Variants in PPP1R9A observed in about 807,000 individuals in gnomAD.
PPP1R9A encodes neurabin-1.
PPP1R9A carries 59 observed loss-of-function variants against 141.9 expected under a neutral mutation model. That is an observed-to-expected ratio of 0.42 (90% confidence interval 0.34 to 0.52). The LOEUF (loss-of-function observed/expected upper bound fraction) is 0.52, where lower values mean the gene tolerates loss of function less well. Among genes scored for constraint, PPP1R9A ranks in the 20% least tolerant of loss-of-function variants. The probability of loss-of-function intolerance (pLI) is 0.10; values close to 1 mark genes in which losing one functional copy is unlikely to be tolerated. For missense variants in PPP1R9A, 1,444 were observed against 1,611.9 expected (o/e 0.90, Z 1.78); for synonymous variants, 500 against 569.7 (o/e 0.88, Z 1.74).
intron 12 of PPP1R9A, among the ~76,000 whole-genome samples, chr7:95,258,208 TCTAA>T (rs1799897880): frequency 6.6e-6 from 1 of 152,156 alleles, no homozygotes; most frequent in Non-Finnish European, 1.5e-5. Context: ...TGATCACCAT[TCTAA>T]CTGGTGTGAG....
chr7:95,285,797 C>A (rs781148962), intron 17 of PPP1R9A, among the ~76,000 whole-genome samples: 1 of 152,170 alleles, frequency 6.6e-6, no homozygotes, highest in Non-Finnish European at 1.5e-5. Context: ...CTCTAGCTAC[C>A]TTTCTAATAT....
intron 2 of PPP1R9A, among the ~76,000 whole-genome samples, chr7:94,927,004 G>T (rs1275649729): frequency 6.6e-6 from 1 of 152,108 alleles, no homozygotes; most frequent in African/African-American, 2.4e-5. Context: ...TCTGACAGTT[G>T]TTATTAAGCT....
intron 5 of PPP1R9A, among the ~76,000 whole-genome samples, chr7:95,189,290 TGGTG>T (rs1199469606): frequency 1.3e-5 from 2 of 152,112 alleles, no homozygotes; most frequent in Non-Finnish European, 2.9e-5. Context: ...ATCTTTTTGC[TGGTG>T]GTCATCTTTT....
At chr7:95,237,912 C>A (rs1796935212) in intron 8 of PPP1R9A, among the ~76,000 whole-genome samples, 1 of 151,922 alleles carries the variant, frequency 6.6e-6, no homozygotes, top group Admixed American at 6.6e-5. Context: ...AATGTCCATT[C>A]TTTTTTCTTA....
chr7:95,046,080 C>CT lies in PPP1R9A; in HGVS notation c.1396-65163dup, dbSNP rs35583144. Among the ~76,000 whole-genome samples the CT allele has an allele frequency of 4.6e-3, 572 of 124,870 alleles. 9 individuals are homozygous for CT. Among genetic ancestry groups the CT allele is most frequent in the South Asian group, 0.02 (77 of 3,820 alleles). The allele number at this position is 124,870 out of a possible 152,430, so 81.9% of individuals were successfully genotyped here. The stretch of plus-strand genomic sequence containing the variant: ...ATTAAGATTAGGTAGTATTTCTTTT[C>CT]TTTTTTTTTTTTTTTTGAGACAGAG... On this transcript the variant is annotated intron_variant, in intron 2 of 19. Coordinates refer to ENST00000433360, the MANE Select transcript of PPP1R9A (RefSeq NM_001166160.2).
chr7:95,158,375 C>A (rs1439909949), intron 4 of PPP1R9A, among the ~76,000 whole-genome samples: 1 of 152,070 alleles, frequency 6.6e-6, no homozygotes. Context: ...AAAACATAGG[C>A]CCAAGGCAGT....
chr7:94,912,695 A>C (rs1791601798), intron 2 of PPP1R9A, among the ~76,000 whole-genome samples: 1 of 152,234 alleles, frequency 6.6e-6, no homozygotes, highest in South Asian at 2.1e-4. Context: ...GAAATAAAGT[A>C]ATAATCTATG....
intron 2 of PPP1R9A, among the ~76,000 whole-genome samples, chr7:95,049,773 G>A (rs1810535190): frequency 6.6e-6 from 1 of 152,156 alleles, no homozygotes; most frequent in South Asian, 2.1e-4. Context: ...GAATTTTGTA[G>A]TATACAACCT....
At chr7:95,162,296 A>G (rs1350795267) in intron 5 of PPP1R9A, among the ~76,000 whole-genome samples, 4 of 152,166 alleles carry the variant, frequency 2.6e-5, no homozygotes, top group Non-Finnish European at 4.4e-5. Flanking sequence ...TTTAAGGAAA[A>G]CAGTTATACA....
chr7:95,007,104 C>T (rs544151639), intron 2 of PPP1R9A, among the ~76,000 whole-genome samples: 26 of 152,240 alleles, frequency 1.7e-4, no homozygotes, highest in Admixed American at 1.5e-3. Flanking sequence ...TCAGGTGATC[C>T]GCCCATCTCA....
intron 2 of PPP1R9A, among the ~76,000 whole-genome samples, chr7:94,929,803 T>A (rs1407131504): frequency 6.6e-6 from 1 of 152,124 alleles, no homozygotes; most frequent in Non-Finnish European, 1.5e-5. Flanking sequence ...ATGAGACTGA[T>A]GAATGTTTGT....
chr7:95,044,228 T>C (rs1809662194), intron 2 of PPP1R9A, among the ~76,000 whole-genome samples: 1 of 152,330 alleles, frequency 6.6e-6, no homozygotes, highest in African/African-American at 2.4e-5. Context: ...ACTTTATCCA[T>C]CATTCTCACC....
At chr7:95,178,127 A>G (rs970701821) in intron 5 of PPP1R9A, among the ~76,000 whole-genome samples, 5 of 152,190 alleles carry the variant, frequency 3.3e-5, no homozygotes, top group African/African-American at 9.6e-5. Context: ...AGACCATGTG[A>G]TAGACCACAA....
At chr7:95,227,354 C>A (rs1795282783) in intron 8 of PPP1R9A, among the ~76,000 whole-genome samples, 1 of 152,162 alleles carries the variant, frequency 6.6e-6, no homozygotes, top group Non-Finnish European at 1.5e-5. Context: ...GGTCCACATT[C>A]TTTTATGGGA....
intron 2 of PPP1R9A, among the ~76,000 whole-genome samples, chr7:95,086,806 G>T (rs1019837714): frequency 5.9e-5 from 9 of 152,020 alleles, no homozygotes; most frequent in African/African-American, 2.2e-4. Context: ...CATCAAGGAA[G>T]ATAGTGAACA....
At position 95,191,415 on chromosome 7, in the gene PPP1R9A, A is replaced by G. The variant is rs148492743; in HGVS notation, c.1755-6934A>G. On this transcript the variant is annotated intron_variant, in intron 5 of 19. Transcript: ENST00000433360. ...TTGATTTATAATGTATAGTGATCATATCATGGTAATTAGCATATCTATGAT... is the reference window on the plus strand; with the variant it reads ...TTGATTTATAATGTATAGTGATCATGTCATGGTAATTAGCATATCTATGAT... 1.5e-3 allele frequency among the ~76,000 whole-genome samples: 223 copies of G among 152,328 alleles called. 1 individual carries two copies. Among genetic ancestry groups the G allele is most frequent in the African/African-American group, 4.9e-3 (202 of 41,586 alleles).
intron 12 of PPP1R9A, 150 bp downstream of exon 12, chr7:95,252,280 T>G (rs936008952): frequency 1.2e-6 from 1 of 862,216 alleles, no homozygotes; most frequent in South Asian, 3.2e-5. Context: ...AGTCAATCAT[T>G]TTAGCTCTCG....
intron 2 of PPP1R9A, among the ~76,000 whole-genome samples, chr7:95,028,008 A>G (rs1301975950): frequency 6.6e-6 from 1 of 152,130 alleles, no homozygotes; most frequent in African/African-American, 2.4e-5. Flanking sequence ...ATTGAGTGAC[A>G]TATATTCGTT....
rs1158846765 is a variant in PPP1R9A, at chr7:95,072,830, TATA to T, written c.1396-38423_1396-38421del. Among the ~76,000 whole-genome samples the T allele has an allele frequency of 6.3e-4, 37 of 59,060 alleles. 1 individual carries two copies. The highest frequency in any genetic ancestry group is 6.5e-4 in the Non-Finnish European group (24 of 36,702). 38.7% of individuals were successfully genotyped at this position (59,060 alleles called of 152,430 possible). ...TATTATATATAATAATTATTATATA[TATA>T]ATAATTATTATATATAATATAAGTT... On this transcript the variant is annotated intron_variant, in intron 2 of 19. Transcript: ENST00000433360.
Sources: allele counts gnomAD v4.1 joint callset (sites outside exome capture counted in the v4.1 genomes callset), GRCh38; gene constraint gnomAD v4.1.1; transcripts MANE v1.5; gene names NCBI Gene and HGNC (gene_info 2026-07-23, HGNC 2026-07-21).